CAMK1D: variants seen among roughly 807,000 people sequenced by gnomAD.
CAMK1D encodes the protein calcium/calmodulin dependent protein kinase ID.
CAMK1D carries 9 observed loss-of-function variants against 47.7 expected under a neutral mutation model. The ratio of observed to expected loss-of-function variants is 0.19; its 90% CI spans 0.11 to 0.33. CAMK1D has a LOEUF of 0.33. Ranked by LOEUF, CAMK1D falls within the 10% of genes least tolerant of loss-of-function variation. The pLI is 1.00. For missense variants in CAMK1D, 291 were observed against 488.7 expected, an observed-to-expected ratio of 0.60 and a Z score of 3.81; for synonymous variants, 184 against 184.9, an observed-to-expected ratio of 0.99 and a Z score of 0.04.
chr10:12,781,468 TC>T (rs1326992536), intron 5 of CAMK1D, among the ~76,000 whole-genome samples: 2 of 152,124 alleles, frequency 1.3e-5, no homozygotes, highest in Non-Finnish European at 2.9e-5. Flanking sequence ...CAGCTTCTAC[TC>T]CCTCCCCGTT....
intron 3 of CAMK1D, among the ~76,000 whole-genome samples, chr10:12,709,991 G>C (rs1347476740): frequency 6.6e-6 from 1 of 152,288 alleles, no homozygotes; most frequent in East Asian, 1.9e-4. Context: ...TTTGCATCCT[G>C]ACTCTTCAAG....
chr10:12,481,670 C>A (rs527689064), intron 1 of CAMK1D, among the ~76,000 whole-genome samples: 2 of 152,062 alleles, frequency 1.3e-5, no homozygotes, highest in African/African-American at 4.8e-5. Context: ...CCACCACGCC[C>A]GGCTAATTTT....
chr10:12,568,077 C>CGCCCTCCCACCTTTCCTGCCT (rs1837180084), intron 2 of CAMK1D, among the ~76,000 whole-genome samples: 1 of 136,424 alleles, frequency 7.3e-6, no homozygotes, highest in Non-Finnish European at 1.5e-5. Flanking sequence ...TAGGCCTGCC[C>CGCCCTCCCACCTTTCCTGCCT]GCCCTCCCAC....
chr10:12,465,946 G>T (rs1164618812), intron 1 of CAMK1D, among the ~76,000 whole-genome samples: 4 of 152,174 alleles, frequency 2.6e-5, no homozygotes, highest in Admixed American at 6.5e-5. Flanking sequence ...AGACTGAAAT[G>T]ATCATAAATC....
chr10:12,584,650 G>C lies in CAMK1D; in HGVS notation c.224+31294G>C, dbSNP rs146705223. 7.2e-4 allele frequency among the ~76,000 whole-genome samples: 110 copies of C among 151,952 alleles called. 3 individuals are homozygous for C. In the East Asian group the frequency reaches 0.02, roughly 28 times the overall value. On this transcript the variant is annotated intron_variant, in intron 2 of 10. Transcript: ENST00000619168. ...GCCTGGGCAACATGGCAAAACCACA[G>C]CTCTACAAAAAATACAGAAATTAGC...
chr10:12,714,190 A>G (rs1371610678), intron 3 of CAMK1D, among the ~76,000 whole-genome samples: 1 of 151,894 alleles, frequency 6.6e-6, no homozygotes, highest in African/African-American at 2.4e-5. Flanking sequence ...ATCCATGGTC[A>G]CCCTGCTGAC....
intron 1 of CAMK1D, among the ~76,000 whole-genome samples, chr10:12,413,198 G>A (rs1177613515): frequency 6.6e-6 from 1 of 152,160 alleles, no homozygotes; most frequent in African/African-American, 2.4e-5. Context: ...TTACAGTCAT[G>A]GTGGAGGGGA....
intron 1 of CAMK1D, among the ~76,000 whole-genome samples, chr10:12,392,050 TC>T (rs1262727514): frequency 3.4e-5 from 5 of 148,684 alleles, no homozygotes; most frequent in African/African-American, 1.3e-4. Context: ...ACACCTATAA[TC>T]CTAGCACTTT....
chr10:12,816,235 C>T lies in CAMK1D; in HGVS notation c.755-15C>T, dbSNP rs776489870. The stretch of plus-strand genomic sequence containing the variant: ...CGCAAAGTGATTCCTTCCCTTGTGC[C>T]TTCTTTTTGAACAGCAAAAGACTTC... On this transcript the variant is annotated splice_polypyrimidine_tract_variant and intron_variant, in intron 7 of 10. Coordinates refer to ENST00000619168, the MANE Select transcript of CAMK1D (RefSeq NM_153498.4). 15 of 1,611,666 alleles carry T rather than the reference C, an allele frequency of 9.3e-6. No homozygotes were observed. The highest frequency in any genetic ancestry group is 1.2e-5 in the Non-Finnish European group (14 of 1,178,330).
At chr10:12,680,733 T>A (rs1232786400) in intron 3 of CAMK1D, among the ~76,000 whole-genome samples, 1 of 152,136 alleles carries the variant, frequency 6.6e-6, no homozygotes, top group Non-Finnish European at 1.5e-5. Context: ...GCATTTAGAA[T>A]TCTGCTAGAT....
chr10:12,827,692 C>T (rs1833307354), intron 10 of CAMK1D, among the ~76,000 whole-genome samples: 1 of 147,730 alleles, frequency 6.8e-6, no homozygotes, highest in South Asian at 2.2e-4. Flanking sequence ...TCTCCTCTCT[C>T]CTCTCTCTTC....
intron 1 of CAMK1D, among the ~76,000 whole-genome samples, chr10:12,517,673 G>A (rs1039644364): frequency 6.6e-6 from 1 of 152,096 alleles, no homozygotes; most frequent in Non-Finnish European, 1.5e-5. Context: ...AGATTATATC[G>A]GTTGATTTTT....
At chr10:12,813,163 A>G (rs1221263287) in intron 6 of CAMK1D, among the ~76,000 whole-genome samples, 2 of 152,188 alleles carry the variant, frequency 1.3e-5, no homozygotes, top group Non-Finnish European at 2.9e-5. Flanking sequence ...CAACTTTGAA[A>G]TGGATCCATG....
At chr10:12,645,361 G>A (rs1839783573) in intron 2 of CAMK1D, among the ~76,000 whole-genome samples, 1 of 152,168 alleles carries the variant, frequency 6.6e-6, no homozygotes. Flanking sequence ...CTTGCTGTCT[G>A]TATTAATTAG....
chr10:12,753,588 C>T (rs1428044299), intron 3 of CAMK1D, among the ~76,000 whole-genome samples: 1 of 152,190 alleles, frequency 6.6e-6, no homozygotes, highest in Non-Finnish European at 1.5e-5. Flanking sequence ...GATCTTAGAA[C>T]GGGCTGCCTC....
At chr10:12,488,908 C>T (rs1340184937) in intron 1 of CAMK1D, among the ~76,000 whole-genome samples, 1 of 152,222 alleles carries the variant, frequency 6.6e-6, no homozygotes, top group Admixed American at 6.5e-5. Flanking sequence ...ACTTGCCGTC[C>T]CCCTCCTGCT....
At chr10:12,784,683 A>G (rs1564559553) in intron 5 of CAMK1D, among the ~76,000 whole-genome samples, 2 of 152,212 alleles carry the variant, frequency 1.3e-5, no homozygotes, top group Admixed American at 1.3e-4. Flanking sequence ...AGTTGCTTCC[A>G]TTCCCAAATT....
At chr10:12,734,874 G>A (rs1442147605) in intron 3 of CAMK1D, among the ~76,000 whole-genome samples, 3 of 152,174 alleles carry the variant, frequency 2.0e-5, no homozygotes, top group Non-Finnish European at 2.9e-5. Flanking sequence ...CATTATTGGT[G>A]GATTTGGGCA....
At chr10:12,396,986 G>A (rs191301147) in intron 1 of CAMK1D, among the ~76,000 whole-genome samples, 1 of 152,210 alleles carries the variant, frequency 6.6e-6, no homozygotes, top group Non-Finnish European at 1.5e-5. Flanking sequence ...CGCTCATCTC[G>A]ACTGGGCCCT....
Sources: allele counts gnomAD v4.1 joint callset (sites outside exome capture counted in the v4.1 genomes callset), GRCh38; gene constraint gnomAD v4.1.1; transcripts MANE v1.5; gene names NCBI Gene and HGNC (gene_info 2026-07-23, HGNC 2026-07-21).